C19orf47: variants seen among roughly 807,000 people sequenced by gnomAD.
C19orf47 encodes chromosome 19 open reading frame 47, also known as uncharacterized protein C19orf47.
In C19orf47, 18 loss-of-function variants were observed where a neutral mutation model predicts 32.3. The ratio of observed to expected loss-of-function variants is 0.56; its 90% CI spans 0.39 to 0.83. The LOEUF (loss-of-function observed/expected upper bound fraction) is 0.83. Among genes scored for constraint, C19orf47 ranks in the 40% least tolerant of loss-of-function variants. The pLI, the probability that C19orf47 is intolerant of heterozygous loss-of-function variation, is 0.00. For missense variants in C19orf47, 484 were observed against 531.6 expected, an observed-to-expected ratio of 0.91 and a Z score of 0.88; for synonymous variants, 202 against 211.1, an observed-to-expected ratio of 0.96 and a Z score of 0.37.
At chr19:40,336,252 C>T (rs1418028432) in intron 3 of C19orf47, 28 bp from the exon 4 acceptor site, 1 of 1,613,916 alleles carries the variant, frequency 6.2e-7, no homozygotes, top group Non-Finnish European at 8.5e-7. Context: ...TGGTGAGGCC[C>T]CAGGTGGGCC....
the C19orf47 span, among the ~76,000 whole-genome samples, chr19:40,306,545 G>A: frequency 1.3e-5 from 2 of 151,670 alleles, no homozygotes; most frequent in Non-Finnish European, 2.9e-5. Context: ...TGGGACTACA[G>A]GCACCCACCA....
intron 4 of C19orf47, among the ~76,000 whole-genome samples, chr19:40,335,308 G>C (rs1339703256): frequency 6.6e-6 from 1 of 152,174 alleles, no homozygotes; most frequent in African/African-American, 2.4e-5. Flanking sequence ...TGTGAGCCAG[G>C]TTGCCATCTG....
chr19:40,331,422 G>A (rs1310666854), intron 5 of C19orf47, among the ~76,000 whole-genome samples: 2 of 152,248 alleles, frequency 1.3e-5, no homozygotes, highest in Non-Finnish European at 1.5e-5. Context: ...ACTAAAATCA[G>A]CTGAGCTGGC....
chr19:40,307,168 T>C, the C19orf47 span, among the ~76,000 whole-genome samples: 1 of 131,500 alleles, frequency 7.6e-6, no homozygotes, highest in African/African-American at 2.9e-5. Flanking sequence ...CAATCCTGGC[T>C]CACTGCAACC....
chr19:40,318,160 GA>G (rs1273843367), downstream of C19orf47, among the ~76,000 whole-genome samples: 6 of 152,136 alleles, frequency 3.9e-5, no homozygotes, highest in East Asian at 1.2e-3. Context: ...GGTGAGAGAG[GA>G]TCACTTGATC....
At chr19:40,347,857 A>G (rs928082255) in intron 1 of C19orf47, among the ~76,000 whole-genome samples, 1 of 152,098 alleles carries the variant, frequency 6.6e-6, no homozygotes, top group Non-Finnish European at 1.5e-5. Context: ...TTACACACAC[A>G]GATTTCATCA....
chr19:40,323,159 A>G (rs182591629), intron 8 of C19orf47, among the ~76,000 whole-genome samples: 16 of 152,316 alleles, frequency 1.1e-4, no homozygotes, highest in Non-Finnish European at 1.9e-4. Flanking sequence ...CATCCTCCTC[A>G]TGGTAAGATT....
intron 5 of C19orf47, among the ~76,000 whole-genome samples, chr19:40,330,520 G>A (rs989684080): frequency 1.4e-5 from 2 of 147,144 alleles, no homozygotes; most frequent in Admixed American, 6.8e-5. Flanking sequence ...TTACAGGCGT[G>A]AGCCACCATA....
In C19orf47 at chr19:40,328,402, T is replaced by C. The variant is rs1394834566; in HGVS notation, c.439+11A>G. Reference sequence around the variant, plus strand: ...TCCAGCTCCTCCTACCACCTGCCCATGTTCCCTCACCAGTGGCCTTGGCAC... The same window carrying C: ...TCCAGCTCCTCCTACCACCTGCCCACGTTCCCTCACCAGTGGCCTTGGCAC... On this transcript the variant is annotated intron_variant, in intron 6 of 8. Coordinates refer to ENST00000683109, the MANE Select transcript of C19orf47 (RefSeq NM_001256441.2). 6.2e-7 allele frequency: 1 copy of C among 1,611,606 alleles called. No homozygotes were observed. Among genetic ancestry groups the C allele is most frequent in the African/African-American group, 1.3e-5 (1 of 74,788 alleles).
At chr19:40,293,896 A>G in the C19orf47 span, among the ~76,000 whole-genome samples, 1 of 152,042 alleles carries the variant, frequency 6.6e-6, no homozygotes, top group African/African-American at 2.4e-5. Context: ...CAAGGCGGGC[A>G]GATCACGAGG....
the C19orf47 span, among the ~76,000 whole-genome samples, chr19:40,303,251 C>T: frequency 1.3e-5 from 2 of 151,320 alleles, no homozygotes; most frequent in African/African-American, 4.9e-5. Context: ...AGGCCAGGCG[C>T]AGTAGCTCAC....
At position 40,321,455 on chromosome 19, in the gene C19orf47, T is replaced by C; in HGVS notation, c.*427A>G. ...GGCGCAGAGGAGTGAGGGAGGTCAG[T>C]GGGGAGTGGGGGAAGGGAGGCCCAC... is the stretch of plus-strand genomic sequence containing the variant. On this transcript the variant is annotated 3_prime_UTR_variant, in exon 9 of 9. Transcript: ENST00000683109. The C allele has an allele frequency of 5.0e-6, 5 of 1,001,930 alleles. No homozygotes were observed. Among genetic ancestry groups the C allele is most frequent in the Non-Finnish European group, 5.9e-6 (5 of 841,208 alleles). The allele number at this position is 1,001,930 out of a possible 1,614,324, so 62.1% of individuals were successfully genotyped here.
the C19orf47 span, among the ~76,000 whole-genome samples, chr19:40,301,612 T>C: frequency 5.3e-5 from 8 of 151,586 alleles, no homozygotes; most frequent in South Asian, 1.7e-3. Flanking sequence ...AGTGCTGGGA[T>C]TGCAGGTGCG....
the C19orf47 span, chr19:40,299,612 C>A: frequency 2.0e-5 from 3 of 152,158 alleles, no homozygotes; most frequent in African/African-American, 7.2e-5. Flanking sequence ...TCTTTTTTTA[C>A]ATTTTTGACA....
chr19:40,334,664 CTT>C (rs1348999695), intron 4 of C19orf47, among the ~76,000 whole-genome samples: 3 of 152,142 alleles, frequency 2.0e-5, no homozygotes, highest in Non-Finnish European at 4.4e-5. Flanking sequence ...ACGAGAATCT[CTT>C]GAACTTGGGA....
At chr19:40,341,315 C>G (rs2078173219) in intron 2 of C19orf47, among the ~76,000 whole-genome samples, 1 of 151,898 alleles carries the variant, frequency 6.6e-6, no homozygotes, top group African/African-American at 2.4e-5. Context: ...GCCTGGGCAA[C>G]AAGAGCGAAA....
chr19:40,346,234 A>T (rs2078275618), intron 1 of C19orf47, among the ~76,000 whole-genome samples: 1 of 150,690 alleles, frequency 6.6e-6, no homozygotes, highest in Admixed American at 6.6e-5. Flanking sequence ...ACCTGAGGTC[A>T]GGAATTCAAG....
rs1345017258 is a variant in C19orf47, at chr19:40,328,593, A to G, written c.302-43T>C. 3 of 1,568,624 alleles carry G rather than the reference A, an allele frequency of 1.9e-6. No homozygotes were observed. In the South Asian group the frequency reaches 3.6e-5, roughly 19 times the overall value. On this transcript the variant is annotated intron_variant, in intron 5 of 8. Transcript: ENST00000683109. ...GAGTCCGGTCGGGTGGGGTCCTGGAAGACAGGCCTCAATCCAGCAGTCTCA... is the reference window on the plus strand; with the variant it reads ...GAGTCCGGTCGGGTGGGGTCCTGGAGGACAGGCCTCAATCCAGCAGTCTCA...
intron 8 of C19orf47, among the ~76,000 whole-genome samples, chr19:40,322,851 G>A (rs981158275): frequency 8.5e-5 from 13 of 152,206 alleles, no homozygotes; most frequent in Admixed American, 5.9e-4. Context: ...ACAGTCCAGT[G>A]GGGAAGACAG....
Sources: allele counts gnomAD v4.1 joint callset (sites outside exome capture counted in the v4.1 genomes callset), GRCh38; gene constraint gnomAD v4.1.1; transcripts MANE v1.5; gene names NCBI Gene and HGNC (gene_info 2026-07-23, HGNC 2026-07-21).